Variants in BCKDHB observed in about 807,000 individuals in gnomAD.
BCKDHB encodes branched chain keto acid dehydrogenase E1 subunit beta, also known as 2-oxoisovalerate dehydrogenase subunit beta, mitochondrial.
BCKDHB carries 41 observed loss-of-function variants against 48.5 expected under a neutral mutation model. That is an observed-to-expected ratio of 0.85 (90% CI 0.66 to 1.10). The LOEUF is 1.10. Ranked by LOEUF, BCKDHB falls within the 50% of genes least tolerant of loss-of-function variation. The pLI is 0.00. For missense variants in BCKDHB, 496 were observed against 494.2 expected, an observed-to-expected ratio of 1.00 and a Z score of -0.03; for synonymous variants, 201 against 174.8, an observed-to-expected ratio of 1.15 and a Z score of -1.18.
At chr6:80,290,709 A>G (rs1305804554) in intron 9 of BCKDHB, among the ~76,000 whole-genome samples, 1 of 152,244 alleles carries the variant, frequency 6.6e-6, no homozygotes, top group Non-Finnish European at 1.5e-5. Context: ...AGAATTCAAG[A>G]TGAGTCCATA....
chr6:80,215,124 T>C (rs1775107721), intron 8 of BCKDHB, among the ~76,000 whole-genome samples: 1 of 152,240 alleles, frequency 6.6e-6, no homozygotes, highest in Non-Finnish European at 1.5e-5. Context: ...TAAATGCTTT[T>C]CCTTAGGCAT....
chr6:80,384,633 A>G, the BCKDHB span, among the ~76,000 whole-genome samples: 1 of 152,170 alleles, frequency 6.6e-6, no homozygotes. Context: ...CTGGGATTAC[A>G]GGTATGAGCC....
intron 6 of BCKDHB, among the ~76,000 whole-genome samples, chr6:80,172,937 AT>A (rs1180472838): frequency 1.3e-5 from 2 of 152,144 alleles, no homozygotes; most frequent in African/African-American, 4.8e-5. Context: ...TTTGAAGTGA[AT>A]AGGAAAATAT....
intron 9 of BCKDHB, among the ~76,000 whole-genome samples, chr6:80,338,929 C>T (rs1582592536): frequency 6.6e-6 from 1 of 152,004 alleles, no homozygotes; most frequent in Non-Finnish European, 1.5e-5. Context: ...GAGGTTAAGT[C>T]ACAATGGAAC....
chr6:80,260,233 T>G (rs1389728725), intron 8 of BCKDHB, among the ~76,000 whole-genome samples: 1 of 139,618 alleles, frequency 7.2e-6, no homozygotes. Context: ...GTGTGTGGGG[T>G]AATAAAATAC....
At chr6:80,427,274 G>T in the BCKDHB span, among the ~76,000 whole-genome samples, 3 of 151,912 alleles carry the variant, frequency 2.0e-5, no homozygotes, top group South Asian at 4.2e-4. Flanking sequence ...CTGTTTTAAG[G>T]TTTGGAGTAC....
chr6:80,261,197 A>G (rs1406948926), intron 8 of BCKDHB, among the ~76,000 whole-genome samples: 1 of 152,082 alleles, frequency 6.6e-6, no homozygotes, highest in African/African-American at 2.4e-5. Flanking sequence ...GGGAAGATGA[A>G]CCTCCTTTTC....
the BCKDHB span, among the ~76,000 whole-genome samples, chr6:80,451,838 C>CT: frequency 1.3e-5 from 2 of 151,992 alleles, no homozygotes; most frequent in Admixed American, 6.6e-5. Flanking sequence ...TTTCAAGGGG[C>CT]TTTTTTATTG....
the BCKDHB span, among the ~76,000 whole-genome samples, chr6:80,397,046 C>G: frequency 6.6e-6 from 1 of 152,168 alleles, no homozygotes; most frequent in African/African-American, 2.4e-5. Flanking sequence ...CTGCACCCCC[C>G]GCTTACCTGT....
the BCKDHB span, among the ~76,000 whole-genome samples, chr6:80,352,094 G>C: frequency 6.6e-6 from 1 of 151,788 alleles, no homozygotes; most frequent in Non-Finnish European, 1.5e-5. Context: ...GTGGTGTTGG[G>C]ATTACAGGCG....
the BCKDHB span, among the ~76,000 whole-genome samples, chr6:80,457,339 G>T: frequency 6.6e-6 from 1 of 152,142 alleles, no homozygotes; most frequent in Non-Finnish European, 1.5e-5. Flanking sequence ...GGAATTTAAT[G>T]CTGACACCAG....
the BCKDHB span, among the ~76,000 whole-genome samples, chr6:80,434,130 T>C: frequency 8.5e-5 from 13 of 152,222 alleles, no homozygotes; most frequent in African/African-American, 3.1e-4. Flanking sequence ...GTTAACAATT[T>C]TTTTTTCTGC....
intron 8 of BCKDHB, among the ~76,000 whole-genome samples, chr6:80,239,475 T>A (rs1776288310): frequency 6.6e-6 from 1 of 152,220 alleles, no homozygotes; most frequent in Admixed American, 6.5e-5. Context: ...TAAATTTTTT[T>A]AAGTTCTTTG....
Position 80,200,978 on chromosome 6 carries a change from G to T in BCKDHB, c.787G>T (p.Ala263Ser). The T allele has an allele frequency of 1.9e-6, 3 of 1,613,064 alleles. No homozygotes were observed. The highest frequency in any genetic ancestry group is 2.5e-6 in the Non-Finnish European group (3 of 1,179,366). Residue 263 changes from alanine to serine, a missense_variant, in exon 7 of 10, where the codon GCC (alanine) becomes TCC (serine). Physicochemically the swap from Ala to Ser is moderately conservative, Grantham distance 99. Transcript: ENST00000320393. ...IEPYNIPLSQ[A>S]EVIQEGSDVT... ...ACCATACAACATCCCACTGTCCCAG[G>T]CCGAAGTCATACAGGAAGGGAGTGA...
the BCKDHB span, among the ~76,000 whole-genome samples, chr6:80,441,556 T>C: frequency 6.6e-6 from 1 of 152,190 alleles, no homozygotes; most frequent in Admixed American, 6.5e-5. Context: ...TTAATTAAAA[T>C]AACATATAAT....
chr6:80,148,038 G>A (rs879713841), intron 3 of BCKDHB, among the ~76,000 whole-genome samples: 8 of 152,126 alleles, frequency 5.3e-5, no homozygotes, highest in Non-Finnish European at 1.2e-4. Flanking sequence ...CAATTTTCAT[G>A]GAAAAGTAGG....
chr6:80,210,588 A>G (rs1774878593), intron 8 of BCKDHB, among the ~76,000 whole-genome samples: 1 of 152,134 alleles, frequency 6.6e-6, no homozygotes, highest in African/African-American at 2.4e-5. Context: ...CAAAATTTTT[A>G]AAAAAGAAAT....
chr6:80,147,809 C>G (rs1400002032), intron 3 of BCKDHB, among the ~76,000 whole-genome samples: 2 of 152,094 alleles, frequency 1.3e-5, no homozygotes, highest in Non-Finnish European at 2.9e-5. Flanking sequence ...ACCACAGCAC[C>G]TATCTGAGAG....
intron 3 of BCKDHB, among the ~76,000 whole-genome samples, chr6:80,155,359 G>A (rs1209359905): frequency 6.6e-6 from 1 of 152,058 alleles, no homozygotes; most frequent in Non-Finnish European, 1.5e-5. Context: ...ATATATTTTA[G>A]CATTTGTGAC....
Sources: gnomAD v4.1 joint callset for allele counts (sites outside exome capture counted in the v4.1 genomes callset) on GRCh38, gnomAD v4.1.1 for gene constraint, MANE v1.5 for transcripts, NCBI Gene and HGNC (gene_info 2026-07-23, HGNC 2026-07-21) for gene names.